Variants in PRIM2 observed in about 807,000 individuals in gnomAD.
The protein encoded by PRIM2 is DNA primase large subunit.
Under a neutral mutation model 67.3 loss-of-function variants are expected in PRIM2, and 39 were observed. The ratio of observed to expected loss-of-function variants is 0.58; its 90% CI spans 0.45 to 0.76. The LOEUF (loss-of-function observed/expected upper bound fraction) is 0.76, where lower values mean the gene tolerates loss of function less well. Among genes scored for constraint, PRIM2 ranks in the 30% least tolerant of loss-of-function variants. PRIM2 has a pLI of 0.00. For missense variants in PRIM2, 398 were observed against 598.7 expected (o/e 0.66, Z 3.50); for synonymous variants, 143 against 198.7 (o/e 0.72, Z 2.36).
intron 8 of PRIM2, among the ~76,000 whole-genome samples, chr6:57,517,196 T>C (rs1322775682): frequency 3.3e-5 from 5 of 152,306 alleles, no homozygotes; most frequent in Non-Finnish European, 7.4e-5. Context: ...TCTTCACTCA[T>C]TGGGTTTCTT....
At chr6:57,269,465 A>G in the PRIM2 span, among the ~76,000 whole-genome samples, 5 of 151,512 alleles carry the variant, frequency 3.3e-5, no homozygotes, top group African/African-American at 7.3e-5. Flanking sequence ...TCCTTTGCCC[A>G]CTTTTTGATG....
At chr6:57,587,022 G>C (rs1776201352) in intron 10 of PRIM2, 1 of 152,192 alleles carries the variant, frequency 6.6e-6, no homozygotes, top group Non-Finnish European at 1.5e-5. Flanking sequence ...AATAGTAGAA[G>C]CTCCGCCTGT....
chr6:57,285,553 C>T, the PRIM2 span, among the ~76,000 whole-genome samples: 1 of 152,074 alleles, frequency 6.6e-6, no homozygotes, highest in Non-Finnish European at 1.5e-5. Context: ...GCAGAAGAGG[C>T]CTTCGATAAA....
At chr6:57,259,406 T>C in the PRIM2 span, among the ~76,000 whole-genome samples, 1 of 152,206 alleles carries the variant, frequency 6.6e-6, no homozygotes, top group Non-Finnish European at 1.5e-5. Context: ...GCAAGGTCTC[T>C]TAAGGCCTAG....
chr6:57,500,359 A>G (rs1286699260), intron 7 of PRIM2, among the ~76,000 whole-genome samples: 3 of 152,238 alleles, frequency 2.0e-5, no homozygotes, highest in Non-Finnish European at 4.4e-5. Context: ...GCAAACACAA[A>G]TGTATGCAAA....
chr6:57,310,374 T>TTA (rs1256392149), upstream of PRIM2, among the ~76,000 whole-genome samples: 1 of 152,206 alleles, frequency 6.6e-6, no homozygotes, highest in Non-Finnish European at 1.5e-5. Flanking sequence ...GAGGGTAAGG[T>TTA]TATAGATTAA....
intron 5 of PRIM2, among the ~76,000 whole-genome samples, chr6:57,348,152 C>T (rs373460973): frequency 2.6e-5 from 4 of 151,954 alleles, no homozygotes; most frequent in Non-Finnish European, 5.9e-5. Flanking sequence ...TATATTCATC[C>T]AACTTAGTCG....
intron 7 of PRIM2, among the ~76,000 whole-genome samples, chr6:57,483,129 A>T (rs1420584858): frequency 6.6e-6 from 1 of 152,154 alleles, no homozygotes; most frequent in Non-Finnish European, 1.5e-5. Flanking sequence ...GCTGGTCTCA[A>T]ACTCCTGACC....
At chr6:57,353,409 A>G (rs1768921049) in intron 5 of PRIM2, among the ~76,000 whole-genome samples, 1 of 152,198 alleles carries the variant, frequency 6.6e-6, no homozygotes, top group African/African-American at 2.4e-5. Flanking sequence ...AGGATAACTT[A>G]CTTTTAAAAT....
At chr6:57,247,656 T>C in the PRIM2 span, among the ~76,000 whole-genome samples, 3 of 152,322 alleles carry the variant, frequency 2.0e-5, no homozygotes, top group East Asian at 1.9e-4. Context: ...AGGTGTTTCA[T>C]GGGACTATCA....
intron 5 of PRIM2, among the ~76,000 whole-genome samples, chr6:57,362,826 G>C (rs1260619057): frequency 6.6e-6 from 1 of 152,068 alleles, no homozygotes; most frequent in Non-Finnish European, 1.5e-5. Context: ...GTAAGAGAAA[G>C]CTGTGTGAAA....
the PRIM2 span, among the ~76,000 whole-genome samples, chr6:57,256,968 GA>G: frequency 6.6e-6 from 1 of 152,160 alleles, no homozygotes; most frequent in Admixed American, 6.5e-5. Flanking sequence ...TGACATTGGG[GA>G]AAAAAACCCT....
chr6:57,285,569 A>G, the PRIM2 span, among the ~76,000 whole-genome samples: 1 of 152,226 alleles, frequency 6.6e-6, no homozygotes, highest in Admixed American at 6.5e-5. Flanking sequence ...ATAAAATTCA[A>G]CAACGCTTTT....
chr6:57,329,548 T>C (rs943872300), intron 5 of PRIM2, among the ~76,000 whole-genome samples: 3 of 152,112 alleles, frequency 2.0e-5, no homozygotes, highest in Admixed American at 6.5e-5. Flanking sequence ...GGTAACTGAA[T>C]CATGGGGGCA....
At chr6:57,636,871 GA>G (rs1358697528) in intron 13 of PRIM2, among the ~76,000 whole-genome samples, 11 of 152,208 alleles carry the variant, frequency 7.2e-5, no homozygotes, top group Non-Finnish European at 1.5e-4. Context: ...CAGCTCTAAA[GA>G]GAGCAGCAGA....
chr6:57,524,192 G>C (rs1245711038), intron 8 of PRIM2, among the ~76,000 whole-genome samples: 99 of 152,234 alleles, frequency 6.5e-4, no homozygotes, highest in African/African-American at 2.3e-3. Flanking sequence ...TGTATGTTTT[G>C]AAAGTCTTAA....
chr6:57,388,136 A>G (rs1242656435), intron 7 of PRIM2, among the ~76,000 whole-genome samples: 11 of 152,176 alleles, frequency 7.2e-5, no homozygotes, highest in Admixed American at 6.6e-4. Flanking sequence ...ACTTTGAGGT[A>G]GAGTCCCAGG....
intron 5 of PRIM2, among the ~76,000 whole-genome samples, chr6:57,379,433 T>C (rs532579034): frequency 6.6e-6 from 1 of 151,706 alleles, no homozygotes; most frequent in Non-Finnish European, 1.5e-5. Context: ...AATAAATTTA[T>C]AGTTGTTCCT....
chr6:57,492,161 C>T (rs1464030729), intron 7 of PRIM2, among the ~76,000 whole-genome samples: 1 of 152,258 alleles, frequency 6.6e-6, no homozygotes, highest in East Asian at 1.9e-4. Context: ...TTCAACATGT[C>T]CTCATGCTCC....
Sources: allele counts gnomAD v4.1 joint callset (sites outside exome capture counted in the v4.1 genomes callset), GRCh38; gene constraint gnomAD v4.1.1; transcripts MANE v1.5; gene names NCBI Gene and HGNC (gene_info 2026-07-23, HGNC 2026-07-21).